Variants in FNDC3B observed in about 807,000 individuals in gnomAD.
FNDC3B encodes the protein fibronectin type III domain containing 3B.
Under a neutral mutation model 151.5 loss-of-function variants are expected in FNDC3B, and 12 were observed. That is an observed-to-expected ratio of 0.08 (90% CI 0.05 to 0.13). FNDC3B has a LOEUF of 0.13. Ranked by LOEUF, FNDC3B falls within the 10% of genes least tolerant of loss-of-function variation. FNDC3B has a pLI of 1.00. For synonymous variants in FNDC3B, 528 were observed against 549.0 expected (o/e 0.96, Z 0.54); for missense variants, 1,214 against 1,505.3 (o/e 0.81, Z 3.20).
At chr3:172,091,151 T>C (rs1292959320) in intron 1 of FNDC3B, among the ~76,000 whole-genome samples, 1 of 152,026 alleles carries the variant, frequency 6.6e-6, no homozygotes, top group Non-Finnish European at 1.5e-5. Context: ...AGGGAAGGAG[T>C]AGAATATAAT....
At chr3:172,277,043 A>C (rs1312100352) in intron 6 of FNDC3B, among the ~76,000 whole-genome samples, 2 of 152,196 alleles carry the variant, frequency 1.3e-5, no homozygotes, top group Non-Finnish European at 2.9e-5. Context: ...TTTATGTAGG[A>C]GAAGCTCCTT....
intron 6 of FNDC3B, among the ~76,000 whole-genome samples, chr3:172,284,779 A>G (rs1163317209): frequency 6.7e-6 from 1 of 149,668 alleles, no homozygotes; most frequent in Non-Finnish European, 1.5e-5. Flanking sequence ...AAGGCACTGT[A>G]ATTGCCTATT....
chr3:172,074,731 G>A (rs771499299), intron 1 of FNDC3B, among the ~76,000 whole-genome samples: 6 of 152,318 alleles, frequency 3.9e-5, no homozygotes, highest in East Asian at 1.9e-4. Flanking sequence ...TATCAGTCAT[G>A]TGAAATTTGG....
rs767357950 is a variant in FNDC3B at position 172,044,283 on chromosome 3, CTTTTT to C, written c.-29+4527_-29+4531del. Among the ~76,000 whole-genome samples, 26 of 110,400 alleles carry C rather than the reference CTTTTT, an allele frequency of 2.4e-4. No homozygotes were observed. The East Asian group carries it at 6.1e-3, about 26-fold the overall frequency. 72.4% of individuals were successfully genotyped at this position (110,400 alleles called of 152,430 possible). A position where few individuals can be genotyped will look rare whatever the true frequency, so the allele number is the denominator to read the frequency against. On this transcript the variant is annotated intron_variant, in intron 1 of 25. Coordinates refer to ENST00000415807, the MANE Select transcript of FNDC3B (RefSeq NM_022763.4). The stretch of plus-strand genomic sequence containing the variant: ...GTATGGAATAGTGAAAATTCCAACT[CTTTTT>C]TTTTTTTTTTTTTTGGTGTGCTACC...
intron 6 of FNDC3B, among the ~76,000 whole-genome samples, chr3:172,277,193 G>A (rs1387932720): frequency 6.6e-6 from 1 of 152,206 alleles, no homozygotes; most frequent in East Asian, 1.9e-4. Context: ...GTAGCAAAAT[G>A]TTAATAAGTT....
intron 4 of FNDC3B, among the ~76,000 whole-genome samples, chr3:172,238,840 A>G (rs992912679): frequency 3.3e-5 from 5 of 152,142 alleles, no homozygotes; most frequent in African/African-American, 1.2e-4. Flanking sequence ...TACACTGGAG[A>G]TGTTTGATCT....
intron 4 of FNDC3B, among the ~76,000 whole-genome samples, chr3:172,239,795 AAAAG>A (rs1727382443): frequency 6.7e-6 from 1 of 149,672 alleles, no homozygotes; most frequent in South Asian, 2.1e-4. Flanking sequence ...AAAAAAGAAA[AAAAG>A]CAAATAACAA....
At chr3:172,384,655 G>C (rs1020699125) in intron 25 of FNDC3B, among the ~76,000 whole-genome samples, 6 of 152,174 alleles carry the variant, frequency 3.9e-5, no homozygotes, top group Non-Finnish European at 5.9e-5. Flanking sequence ...CCAAAGCACA[G>C]TGACTGCTGT....
chr3:172,289,275 G>T (rs1040370990), intron 7 of FNDC3B, among the ~76,000 whole-genome samples: 1 of 152,106 alleles, frequency 6.6e-6, no homozygotes, highest in Non-Finnish European at 1.5e-5. Flanking sequence ...ATTCTCACAT[G>T]CCTGTCTCTC....
At chr3:172,188,468 C>T (rs922734584) in intron 3 of FNDC3B, among the ~76,000 whole-genome samples, 11 of 151,896 alleles carry the variant, frequency 7.2e-5, no homozygotes, top group Admixed American at 4.6e-4. Flanking sequence ...TGTAGCGACG[C>T]GATCTTGGCT....
At chr3:172,379,544 C>T (rs1429544967) in intron 24 of FNDC3B, among the ~76,000 whole-genome samples, 2 of 152,248 alleles carry the variant, frequency 1.3e-5, no homozygotes, top group Non-Finnish European at 1.5e-5. Context: ...CTTCCCTGCC[C>T]TGCAGACTCT....
At chr3:172,301,438 A>G (rs752543465) in intron 9 of FNDC3B, among the ~76,000 whole-genome samples, 4 of 152,206 alleles carry the variant, frequency 2.6e-5, no homozygotes, top group Non-Finnish European at 5.9e-5. Flanking sequence ...AGCTTTTATC[A>G]TGTAGAGTGG....
intron 25 of FNDC3B, among the ~76,000 whole-genome samples, chr3:172,395,406 A>C (rs563673560): frequency 1.3e-5 from 2 of 152,316 alleles, no homozygotes; most frequent in African/African-American, 4.8e-5. Flanking sequence ...GTTTCAGTCA[A>C]CCAAAATGTG....
At chr3:172,143,127 G>T (rs1721713561) in intron 3 of FNDC3B, among the ~76,000 whole-genome samples, 1 of 152,196 alleles carries the variant, frequency 6.6e-6, no homozygotes, top group Non-Finnish European at 1.5e-5. Context: ...CATTCAGACA[G>T]TGATAGTACT....
At chr3:172,047,453 A>C (rs1716420590) in intron 1 of FNDC3B, among the ~76,000 whole-genome samples, 1 of 152,192 alleles carries the variant, frequency 6.6e-6, no homozygotes, top group Non-Finnish European at 1.5e-5. Context: ...GTTTAAATAG[A>C]TCTTAAGAGG....
chr3:172,096,478 T>A (rs189505384), intron 1 of FNDC3B, among the ~76,000 whole-genome samples: 1 of 152,344 alleles, frequency 6.6e-6, no homozygotes, highest in East Asian at 1.9e-4. Context: ...ATACCTGTTG[T>A]ATCATCTGTT....
chr3:172,078,075 G>C (rs1718103392), intron 1 of FNDC3B, among the ~76,000 whole-genome samples: 1 of 152,072 alleles, frequency 6.6e-6, no homozygotes, highest in Non-Finnish European at 1.5e-5. Flanking sequence ...CCATCTCCTG[G>C]GATCAAGCGA....
intron 3 of FNDC3B, among the ~76,000 whole-genome samples, chr3:172,186,109 C>T: frequency 6.6e-6 from 1 of 152,210 alleles, no homozygotes. Context: ...TGGGAAGCTT[C>T]ACGAATTTTT....
chr3:172,066,768 C>T (rs1717519716), intron 1 of FNDC3B, among the ~76,000 whole-genome samples: 1 of 152,172 alleles, frequency 6.6e-6, no homozygotes, highest in African/African-American at 2.4e-5. Context: ...TTGCATACTT[C>T]AGAAAGGAAT....
Sources: gnomAD v4.1 joint callset for allele counts (sites outside exome capture counted in the v4.1 genomes callset) on GRCh38, gnomAD v4.1.1 for gene constraint, MANE v1.5 for transcripts, NCBI Gene and HGNC (gene_info 2026-07-23, HGNC 2026-07-21) for gene names.